Variants in PTPRD observed in about 807,000 individuals in gnomAD.
The protein encoded by PTPRD is receptor-type tyrosine-protein phosphatase delta.
PTPRD carries 34 observed loss-of-function variants against 214.5 expected under a neutral mutation model. The observed-to-expected ratio is 0.16, with a 90% CI of 0.12 to 0.21. The LOEUF is 0.21. PTPRD is among the 10% of genes least tolerant of loss of function. The pLI is 1.00. For synonymous variants in PTPRD, 1,128 were observed against 845.7 expected, an observed-to-expected ratio of 1.33 and a Z score of -5.79; for missense variants, 2,545 against 2,398.7, an observed-to-expected ratio of 1.06 and a Z score of -1.27.
At chr9:9,566,520 G>A (rs930026408) in intron 8 of PTPRD, among the ~76,000 whole-genome samples, 2 of 151,880 alleles carry the variant, frequency 1.3e-5, no homozygotes, top group South Asian at 2.1e-4. Context: ...ATTCTTGCTG[G>A]AGAATCAGTT....
intron 8 of PTPRD, among the ~76,000 whole-genome samples, chr9:9,490,452 G>C (rs918792004): frequency 3.3e-5 from 5 of 151,968 alleles, no homozygotes; most frequent in African/African-American, 1.2e-4. Context: ...TACTCTAAAA[G>C]CTAGTATTGT....
At chr9:9,494,591 A>G (rs188064850) in intron 8 of PTPRD, among the ~76,000 whole-genome samples, 120 of 152,354 alleles carry the variant, frequency 7.9e-4, no homozygotes, top group Middle Eastern at 3.4e-3. Flanking sequence ...ATTTGAAATA[A>G]AAAATAAAAT....
intron 5 of PTPRD, among the ~76,000 whole-genome samples, chr9:9,823,734 G>A (rs987195364): frequency 1.3e-5 from 2 of 152,056 alleles, no homozygotes; most frequent in Non-Finnish European, 2.9e-5. Flanking sequence ...AGGAATTATA[G>A]TGGGTGATAA....
At chr9:9,456,258 G>C (rs1381561155) in intron 8 of PTPRD, among the ~76,000 whole-genome samples, 1 of 151,728 alleles carries the variant, frequency 6.6e-6, no homozygotes. Context: ...AGTTAGAGTG[G>C]ACTGATCTGA....
At chr9:9,387,380 T>C (rs10125719) in intron 9 of PTPRD, among the ~76,000 whole-genome samples, 36,433 of 152,018 alleles carry the variant, frequency 0.24, 4,425 homozygotes, top group Middle Eastern at 0.37. Context: ...TAGATTTTAA[T>C]TAAGTTATTT....
At chr9:8,675,302 C>T (rs986497242) in intron 12 of PTPRD, among the ~76,000 whole-genome samples, 25 of 151,866 alleles carry the variant, frequency 1.6e-4, no homozygotes, top group African/African-American at 5.1e-4. Flanking sequence ...TATGGAATTG[C>T]TATGAAATGG....
intron 4 of PTPRD, among the ~76,000 whole-genome samples, chr9:9,939,255 G>T (rs1460433362): frequency 6.6e-6 from 1 of 152,174 alleles, no homozygotes; most frequent in African/African-American, 2.4e-5. Flanking sequence ...TGAATGGAAT[G>T]TGCCAGGTAG....
At chr9:10,233,964 C>A (rs933839916) in intron 3 of PTPRD, among the ~76,000 whole-genome samples, 1 of 151,558 alleles carries the variant, frequency 6.6e-6, no homozygotes, top group African/African-American at 2.4e-5. Context: ...TCTTAATAAC[C>A]ACCCAGAATG....
chr9:9,043,001 T>C (rs1045460795), intron 10 of PTPRD, among the ~76,000 whole-genome samples: 7 of 152,190 alleles, frequency 4.6e-5, no homozygotes, highest in African/African-American at 1.4e-4. Flanking sequence ...AAGGCAATCT[T>C]ATCTGTTACC....
rs147235727 is a variant in PTPRD at position 10,133,810 on chromosome 9, T to G, written c.-544-100020A>C. 1.5e-3 allele frequency among the ~76,000 whole-genome samples: 234 copies of G among 152,306 alleles called. 4 individuals are homozygous for G. In the East Asian group the frequency reaches 0.025, roughly 17 times the overall value. On this transcript the variant is annotated intron_variant, in intron 3 of 45. Transcript: ENST00000381196. ...TACTAACATTTATTTGAAAAATACA[T>G]GATCTGGAAAGATAGTACTTGCATA...
chr9:9,035,911 A>G (rs1244903824), intron 10 of PTPRD, among the ~76,000 whole-genome samples: 2 of 152,118 alleles, frequency 1.3e-5, no homozygotes, highest in Non-Finnish European at 2.9e-5. Flanking sequence ...ACATATAGAA[A>G]GATATTTGAA....
chr9:9,652,813 C>T (rs560150630), intron 7 of PTPRD, among the ~76,000 whole-genome samples: 1 of 151,872 alleles, frequency 6.6e-6, no homozygotes, highest in East Asian at 2.0e-4. Flanking sequence ...GGGGCTTCAC[C>T]ATATTAGACA....
intron 3 of PTPRD, among the ~76,000 whole-genome samples, chr9:10,189,959 G>A (rs541035279): frequency 6.6e-6 from 1 of 152,184 alleles, no homozygotes; most frequent in South Asian, 2.1e-4. Context: ...ACTGCAAGGA[G>A]GATCAGAAAA....
At chr9:9,798,130 G>A (rs1489103500) in intron 5 of PTPRD, among the ~76,000 whole-genome samples, 1 of 151,950 alleles carries the variant, frequency 6.6e-6, no homozygotes, top group Non-Finnish European at 1.5e-5. Flanking sequence ...CCCAAGCAGT[G>A]TCTGATAATC....
At chr9:8,990,058 G>T (rs1046707174) in intron 11 of PTPRD, among the ~76,000 whole-genome samples, 5 of 152,078 alleles carry the variant, frequency 3.3e-5, no homozygotes, top group African/African-American at 1.2e-4. Flanking sequence ...GATACATTTG[G>T]ACTTGTCTTT....
intron 8 of PTPRD, among the ~76,000 whole-genome samples, chr9:9,493,644 C>T (rs563824531): frequency 2.0e-5 from 3 of 151,482 alleles, no homozygotes; most frequent in East Asian, 2.0e-4. Flanking sequence ...AAAAATTAGC[C>T]GGGTGTGGTG....
At chr9:10,414,960 G>C (rs2098473001) in intron 2 of PTPRD, among the ~76,000 whole-genome samples, 1 of 151,586 alleles carries the variant, frequency 6.6e-6, no homozygotes, top group African/African-American at 2.4e-5. Context: ...GAGAGGAGCA[G>C]AAATAATAAC....
chr9:8,973,212 C>G (rs1398631069), intron 11 of PTPRD, among the ~76,000 whole-genome samples: 1 of 151,830 alleles, frequency 6.6e-6, no homozygotes, highest in East Asian at 1.9e-4. Flanking sequence ...CCACTCCCTC[C>G]TCCTTCTCTC....
chr9:8,497,476 C>A (rs540824872), intron 25 of PTPRD, among the ~76,000 whole-genome samples: 56 of 152,264 alleles, frequency 3.7e-4, no homozygotes, highest in Non-Finnish European at 6.8e-4. Flanking sequence ...ACTGTTATCA[C>A]TAAAACCAGC....
Sources: allele counts gnomAD v4.1 joint callset (sites outside exome capture counted in the v4.1 genomes callset), GRCh38; gene constraint gnomAD v4.1.1; transcripts MANE v1.5; gene names NCBI Gene and HGNC (gene_info 2026-07-23, HGNC 2026-07-21).